Variants in MYT1L observed in about 807,000 individuals in gnomAD.
MYT1L encodes myelin transcription factor 1-like protein.
Under a neutral mutation model 126.7 loss-of-function variants are expected in MYT1L, and 12 were observed. That is an observed-to-expected ratio of 0.09 (90% CI 0.06 to 0.15). The LOEUF is 0.15. Ranked by LOEUF, MYT1L falls within the 10% of genes least tolerant of loss-of-function variation. MYT1L has a pLI of 1.00. For synonymous variants in MYT1L, 541 were observed against 604.2 expected (o/e 0.90, Z 1.53); for missense variants, 979 against 1,585.2 (o/e 0.62, Z 6.49).
intron 4 of MYT1L, among the ~76,000 whole-genome samples, chr2:2,001,015 T>C (rs2062314674): frequency 6.6e-6 from 1 of 152,232 alleles, no homozygotes; most frequent in Admixed American, 6.5e-5. Flanking sequence ...GTTGGTTTTC[T>C]GGAGTTTGAT....
At chr2:2,080,403 A>ATAATTT (rs2075694738) in intron 3 of MYT1L, among the ~76,000 whole-genome samples, 4 of 152,244 alleles carry the variant, frequency 2.6e-5, no homozygotes, top group Non-Finnish European at 4.4e-5. Flanking sequence ...AAAAAGAACA[A>ATAATTT]GAATAAATAT....
intron 18 of MYT1L, among the ~76,000 whole-genome samples, chr2:1,864,671 G>A (rs998111966): frequency 9.9e-5 from 15 of 152,196 alleles, no homozygotes; most frequent in East Asian, 5.8e-4. Context: ...TGGGAGGCAC[G>A]GGTGCCCCTC....
chr2:1,825,185 G>C (rs1047563299), intron 21 of MYT1L: 2 of 152,310 alleles, frequency 1.3e-5, no homozygotes, highest in Non-Finnish European at 1.5e-5. Flanking sequence ...AGGCCTCAGG[G>C]CTGGGAGCCG....
At chr2:2,210,974 A>G (rs894866142) in intron 2 of MYT1L, among the ~76,000 whole-genome samples, 1 of 151,956 alleles carries the variant, frequency 6.6e-6, no homozygotes, top group African/African-American at 2.4e-5. Context: ...TATGTATTTA[A>G]TTTTATGTGT....
chr2:1,970,360 T>C (rs2059716768), intron 8 of MYT1L, among the ~76,000 whole-genome samples: 1 of 152,184 alleles, frequency 6.6e-6, no homozygotes, highest in Non-Finnish European at 1.5e-5. Flanking sequence ...AGGCCCTCAC[T>C]GTACCCAGGA....
At chr2:1,956,139 GTCTA>G (rs1369522048) in intron 8 of MYT1L, among the ~76,000 whole-genome samples, 4 of 151,366 alleles carry the variant, frequency 2.6e-5, no homozygotes, top group Admixed American at 1.3e-4. Context: ...ACCTACCTAT[GTCTA>G]TCTACCTATT....
intron 12 of MYT1L, 135 bp downstream of exon 12, chr2:1,911,885 C>A: frequency 1.8e-6 from 1 of 556,790 alleles, no homozygotes; most frequent in Non-Finnish European, 3.0e-6. Flanking sequence ...CACTCCCGTG[C>A]ATTATATGGA....
intron 4 of MYT1L, among the ~76,000 whole-genome samples, chr2:2,001,858 T>C (rs2062426777): frequency 6.6e-6 from 1 of 152,192 alleles, no homozygotes; most frequent in Admixed American, 6.5e-5. Flanking sequence ...GGTTTACTTT[T>C]TCATTCCTCG....
intron 3 of MYT1L, among the ~76,000 whole-genome samples, chr2:2,123,533 T>C (rs546874361): frequency 2.0e-5 from 3 of 152,252 alleles, no homozygotes; most frequent in African/African-American, 7.2e-5. Flanking sequence ...TCGCAAGACC[T>C]GGTTGTTTAA....
At chr2:1,859,689 G>A (rs2148603624) in intron 18 of MYT1L, among the ~76,000 whole-genome samples, 1 of 152,312 alleles carries the variant, frequency 6.6e-6, no homozygotes, top group Non-Finnish European at 1.5e-5. Flanking sequence ...ATTGGCCAGG[G>A]GATTTACACC....
intron 2 of MYT1L, among the ~76,000 whole-genome samples, chr2:2,245,348 G>A (rs377203903): frequency 8.6e-5 from 13 of 151,760 alleles, no homozygotes; most frequent in East Asian, 2.0e-4. Flanking sequence ...AGACCATCCC[G>A]AGCTCTAGCC....
intron 4 of MYT1L, among the ~76,000 whole-genome samples, chr2:2,036,922 T>C (rs2066920209): frequency 6.6e-6 from 1 of 152,216 alleles, no homozygotes; most frequent in African/African-American, 2.4e-5. Flanking sequence ...GGCTCCTTCC[T>C]TGGTCTCTGG....
intron 3 of MYT1L, among the ~76,000 whole-genome samples, chr2:2,140,692 C>CA (rs2083844477): frequency 6.6e-6 from 1 of 152,142 alleles, no homozygotes; most frequent in African/African-American, 2.4e-5. Context: ...CTCGGCCTCT[C>CA]AAAGTGCTGG....
intron 3 of MYT1L, among the ~76,000 whole-genome samples, chr2:2,071,676 GAA>G (rs1217636637): frequency 3.9e-5 from 6 of 152,212 alleles, no homozygotes; most frequent in African/African-American, 7.2e-5. Context: ...TTGTCCTAAT[GAA>G]AGTCAGGCCA....
In MYT1L at chr2:2,170,397, G is replaced by A. The variant is rs192296422; in HGVS notation, c.-304+2475C>T. 1.8e-3 allele frequency among the ~76,000 whole-genome samples: 268 copies of A among 152,320 alleles called. 1 individual carries two copies. Among genetic ancestry groups the A allele is most frequent in the Non-Finnish European group, 3.4e-3 (229 of 68,044 alleles). ...GCTGTAAATAAAGTTTTATTGTCAG[G>A]TGGCCATGCCATTTGCTCGCTGTTG... On this transcript the variant is annotated intron_variant, in intron 3 of 24. Coordinates refer to ENST00000647738, the MANE Select transcript of MYT1L (RefSeq NM_001303052.2).
chr2:2,130,029 T>C (rs2082176247), intron 3 of MYT1L, among the ~76,000 whole-genome samples: 2 of 151,942 alleles, frequency 1.3e-5, no homozygotes, highest in African/African-American at 4.8e-5. Context: ...AAAGGCACCA[T>C]AGGTATTCAT....
At chr2:2,205,719 T>C (rs549041825) in intron 2 of MYT1L, among the ~76,000 whole-genome samples, 1 of 152,292 alleles carries the variant, frequency 6.6e-6, no homozygotes, top group African/African-American at 2.4e-5. Flanking sequence ...GCTACCAGGG[T>C]TGATATCCAC....
At chr2:2,307,256 T>C (rs2095870973) in intron 1 of MYT1L, among the ~76,000 whole-genome samples, 1 of 152,170 alleles carries the variant, frequency 6.6e-6, no homozygotes, top group Non-Finnish European at 1.5e-5. Context: ...TGGTATTGTT[T>C]GAGCAGAAAA....
chr2:2,327,486 A>G (rs1039486330), intron 1 of MYT1L, among the ~76,000 whole-genome samples: 1 of 146,544 alleles, frequency 6.8e-6, no homozygotes, highest in African/African-American at 2.5e-5. Context: ...AAGATATTCA[A>G]AAAAAGAACT....
Sources: allele counts gnomAD v4.1 joint callset (sites outside exome capture counted in the v4.1 genomes callset), GRCh38; gene constraint gnomAD v4.1.1; transcripts MANE v1.5; gene names NCBI Gene and HGNC (gene_info 2026-07-23, HGNC 2026-07-21).